Variants in GFOD1 observed in about 807,000 individuals in gnomAD.
GFOD1 encodes the protein glucose-fructose oxidoreductase domain-containing protein 1.
Under a neutral mutation model 25.4 loss-of-function variants are expected in GFOD1, and 9 were observed. The observed-to-expected ratio is 0.35, with a 90% confidence interval of 0.21 to 0.62. GFOD1 has a LOEUF of 0.62. GFOD1 is among the 20% of genes least tolerant of loss of function. The pLI, the probability that GFOD1 is intolerant of heterozygous loss-of-function variation, is 0.72. For synonymous variants in GFOD1, 253 were observed against 245.6 expected (o/e 1.03, Z -0.28); for missense variants, 403 against 556.9 (o/e 0.72, Z 2.78).
intron 1 of GFOD1, among the ~76,000 whole-genome samples, chr6:13,380,686 G>A (rs962628903): frequency 1.3e-5 from 2 of 152,140 alleles, no homozygotes; most frequent in Admixed American, 6.5e-5. Context: ...AGGAAATAAG[G>A]AAGGCTTAGC....
intron 1 of GFOD1, among the ~76,000 whole-genome samples, chr6:13,382,352 G>GA (rs1785384524): frequency 6.6e-6 from 1 of 151,624 alleles, no homozygotes; most frequent in African/African-American, 2.4e-5. Flanking sequence ...AATCATGGGG[G>GA]GGGGGGTTCT....
rs559832053 is a variant in GFOD1 at position 13,441,739 on chromosome 6, C to T, written c.253+44899G>A. Among the ~76,000 whole-genome samples the T allele has an allele frequency of 2.3e-4, 35 of 152,228 alleles. No individual in the cohort carries two copies. In the South Asian group the frequency reaches 7.2e-3, roughly 32 times the overall value. On this transcript the variant is annotated intron_variant, in intron 1 of 1. Coordinates refer to ENST00000379287, the MANE Select transcript of GFOD1 (RefSeq NM_018988.4). ...GGCATATTTCTGGTCACAAAAATAT[C>T]ACCAAACTTCTAAATAAACACCCAA...
At chr6:13,477,666 T>G (rs1475342018) in intron 1 of GFOD1, among the ~76,000 whole-genome samples, 1 of 151,982 alleles carries the variant, frequency 6.6e-6, no homozygotes, top group Non-Finnish European at 1.5e-5. Context: ...AATAACTAGG[T>G]TGGTATTAAT....
At chr6:13,441,395 G>C (rs907043279) in intron 1 of GFOD1, among the ~76,000 whole-genome samples, 3 of 152,186 alleles carry the variant, frequency 2.0e-5, no homozygotes, top group African/African-American at 7.2e-5. Flanking sequence ...ACGAAATGTG[G>C]CACACGTAAC....
rs143617943 is a variant in GFOD1 at position 13,383,867 on chromosome 6, C to T, written c.254-18205G>A. 8.5e-3 allele frequency among the ~76,000 whole-genome samples: 1,294 copies of T among 152,302 alleles called. 4 individuals are homozygous for T. Among genetic ancestry groups the T allele is most frequent in the Non-Finnish European group, 0.012 (849 of 68,028 alleles). On this transcript the variant is annotated intron_variant, in intron 1 of 1. Coordinates refer to ENST00000379287, the MANE Select transcript of GFOD1 (RefSeq NM_018988.4). ...ATGAATTGCTGAATGTTCAAGTAAG[C>T]GCTTTAAAATGTTAATGGGCCTACA...
chr6:13,395,735 C>T (rs1418015187), intron 1 of GFOD1, among the ~76,000 whole-genome samples: 1 of 152,176 alleles, frequency 6.6e-6, no homozygotes, highest in African/African-American at 2.4e-5. Flanking sequence ...TTATGAGTTC[C>T]CTGGTCTTTG....
chr6:13,468,065 A>G (rs1333679320), intron 1 of GFOD1, among the ~76,000 whole-genome samples: 1 of 152,180 alleles, frequency 6.6e-6, no homozygotes. Context: ...TTTGAAAAAT[A>G]TATTTTTTCA....
Position 13,470,180 on chromosome 6 carries a change from C to T in GFOD1, c.253+16458G>A, listed in dbSNP as rs555011228. On this transcript the variant is annotated intron_variant, in intron 1 of 1. Transcript: ENST00000379287. ...GTCCCACTGGCTTCCCCAGCACCTG[C>T]GCGCGATGAACGCATCTATCTGTAA... 1.6e-4 allele frequency: 255 copies of T among 1,556,764 alleles called. No individual in the cohort carries two copies. The Admixed American group carries it at 2.1e-3, about 13-fold the overall frequency.
chr6:13,481,232 G>A (rs1444922127), intron 1 of GFOD1, among the ~76,000 whole-genome samples: 1 of 152,178 alleles, frequency 6.6e-6, no homozygotes, highest in Non-Finnish European at 1.5e-5. Context: ...GGGAGGGGAG[G>A]ATCCAGAAAG....
At position 13,430,492 on chromosome 6, in the gene GFOD1, A is replaced by C. The variant is rs9474181; in HGVS notation, c.253+56146T>G. 3.0e-3 allele frequency among the ~76,000 whole-genome samples: 454 copies of C among 152,246 alleles called. 2 individuals carry two copies. The highest frequency in any genetic ancestry group is 0.01 in the African/African-American group (425 of 41,550). ...TTAAAAAATAAAATCCAGCCATTGC[A>C]CTGTGAAGGAACCCGAGCCACATAG... is the stretch of plus-strand genomic sequence containing the variant. On this transcript the variant is annotated intron_variant, in intron 1 of 1. Coordinates refer to ENST00000379287, the MANE Select transcript of GFOD1 (RefSeq NM_018988.4). This position sits in a 1 kb window ranked among gnomAD's most constrained non-coding sequence, Gnocchi z 4.1.
At position 13,454,809 on chromosome 6, in the gene GFOD1, C is replaced by A. The variant is rs368776613; in HGVS notation, c.253+31829G>T. 9.2e-5 allele frequency among the ~76,000 whole-genome samples: 14 copies of A among 152,280 alleles called. No homozygotes were observed. The East Asian group carries it at 2.7e-3, about 29-fold the overall frequency. On this transcript the variant is annotated intron_variant, in intron 1 of 1. Transcript: ENST00000379287. The stretch of plus-strand genomic sequence containing the variant: ...GGGACCACTGTCAATGCTTCCCAGT[C>A]CTTCTGTGGGCTGCAAGAGGGGGAG...
At chr6:13,381,567 G>C (rs1009350213) in intron 1 of GFOD1, among the ~76,000 whole-genome samples, 1 of 152,222 alleles carries the variant, frequency 6.6e-6, no homozygotes, top group Non-Finnish European at 1.5e-5. Context: ...CATGGACACA[G>C]TGCTGGAACA....
At chr6:13,367,423 C>T (rs552114031) in intron 1 of GFOD1, among the ~76,000 whole-genome samples, 6 of 152,266 alleles carry the variant, frequency 3.9e-5, no homozygotes, top group East Asian at 1.9e-4. Context: ...CTACAAAGAG[C>T]GGATATCACC....
chr6:13,425,384 G>A (rs1409095304), intron 1 of GFOD1, among the ~76,000 whole-genome samples: 2 of 152,220 alleles, frequency 1.3e-5, no homozygotes, highest in African/African-American at 4.8e-5. Flanking sequence ...GTAGTAAGAG[G>A]AAGAGCCCAG....
At chr6:13,438,007 A>G (rs1757860356) in intron 1 of GFOD1, among the ~76,000 whole-genome samples, 1 of 152,260 alleles carries the variant, frequency 6.6e-6, no homozygotes, top group African/African-American at 2.4e-5. Flanking sequence ...CTATGTGGTT[A>G]GCATTCAGTG....
chr6:13,425,533 G>A (rs958359748), intron 1 of GFOD1, among the ~76,000 whole-genome samples: 30 of 152,166 alleles, frequency 2.0e-4, no homozygotes, highest in African/African-American at 7.2e-4. Flanking sequence ...TGAAAATTGT[G>A]AGCTTGTTAA....
In GFOD1 at chr6:13,360,828, A is replaced by C; in HGVS notation, c.*3915T>G. On this transcript the variant is annotated 3_prime_UTR_variant, in exon 2 of 2. Coordinates refer to ENST00000379287, the MANE Select transcript of GFOD1 (RefSeq NM_018988.4). Reference sequence around the variant, plus strand: ...GTGAGAGCAGACCCCGTAGACATTGATAAGGAGCGGTTTCCTGCCTGGCAA... The same window carrying C: ...GTGAGAGCAGACCCCGTAGACATTGCTAAGGAGCGGTTTCCTGCCTGGCAA... The C allele has an allele frequency of 4.4e-6, 2 of 456,714 alleles. No individual in the cohort carries two copies. Among genetic ancestry groups the C allele is most frequent in the Non-Finnish European group, 8.8e-6 (2 of 226,970 alleles). 28.3% of individuals were successfully genotyped at this position (456,714 alleles called of 1,614,324 possible).
intron 1 of GFOD1, among the ~76,000 whole-genome samples, chr6:13,428,356 C>T (rs1393944186): frequency 2.6e-5 from 4 of 152,116 alleles, no homozygotes; most frequent in Non-Finnish European, 5.9e-5. Flanking sequence ...ATCACTGGGC[C>T]GTGTGAAAAC....
chr6:13,467,441 C>G (rs1758396733), intron 1 of GFOD1, among the ~76,000 whole-genome samples: 1 of 152,104 alleles, frequency 6.6e-6, no homozygotes, highest in African/African-American at 2.4e-5. Context: ...CTGCACACCA[C>G]CACACACACA....
Sources: allele counts gnomAD v4.1 joint callset (sites outside exome capture counted in the v4.1 genomes callset), GRCh38; gene constraint gnomAD v4.1.1; non-coding constraint Gnocchi (gnomAD v3.1); transcripts MANE v1.5; gene names NCBI Gene and HGNC (gene_info 2026-07-23, HGNC 2026-07-21).